Variants in VEGFA observed in about 807,000 individuals in gnomAD.
VEGFA encodes the protein vascular endothelial growth factor A.
Under a neutral mutation model 49.7 loss-of-function variants are expected in VEGFA, and 20 were observed. That is an observed-to-expected ratio of 0.40 (90% CI 0.28 to 0.58). The LOEUF (loss-of-function observed/expected upper bound fraction) is 0.58, where lower values mean the gene tolerates loss of function less well. Ranked by LOEUF, VEGFA falls within the 20% of genes least tolerant of loss-of-function variation. The pLI, the probability that VEGFA is intolerant of heterozygous loss-of-function variation, is 0.40. For missense variants in VEGFA, 505 were observed against 553.5 expected (o/e 0.91, Z 0.88); for synonymous variants, 219 against 223.4 (o/e 0.98, Z 0.18).
At position 43,781,855 on chromosome 6, in the gene VEGFA, G is replaced by A. The variant is rs1463421241; in HGVS notation, c.1035-101G>A. The A allele has an allele frequency of 4.0e-6, 6 of 1,492,102 alleles. No individual in the cohort carries two copies. In the African/African-American group the frequency reaches 4.1e-5, roughly 10 times the overall value. 92.4% of individuals were successfully genotyped at this position (1,492,102 alleles called of 1,614,324 possible). ...CCTGGGGGCTGACCGGCTGGGTGGG[G>A]GTGCAGCTGCGGACATGTTAGGGGG... On this transcript the variant is annotated intron_variant, in intron 6 of 7. Coordinates refer to ENST00000672860, the MANE Select transcript of VEGFA (RefSeq NM_003376.6).
At chr6:43,772,134 C>G (rs1482498121) in intron 1 of VEGFA, 1 of 912,530 alleles carries the variant, frequency 1.1e-6, no homozygotes, top group African/African-American at 1.8e-5. Flanking sequence ...GAGAACCATC[C>G]CTACCCCTTC....
intron 7 of VEGFA, 93 bp from the exon 8 acceptor site, chr6:43,784,448 C>G: frequency 1.6e-6 from 2 of 1,284,426 alleles, no homozygotes; most frequent in Admixed American, 1.7e-5. Flanking sequence ...CTGCAGTGAC[C>G]CAGGGGCCCC....
chr6:43,774,261 A>T, intron 1 of VEGFA, 80 bp from the exon 2 acceptor site: 1 of 1,448,864 alleles, frequency 6.9e-7, no homozygotes, highest in South Asian at 1.1e-5. Flanking sequence ...GGAAGTGAGG[A>T]GGGAGGAGGG....
In VEGFA at chr6:43,771,166, G is replaced by T. The variant is rs1203752241; in HGVS notation, c.460G>T (p.Ala154Ser). 1.3e-6 allele frequency: 2 copies of T among 1,567,854 alleles called. No homozygotes were observed. The highest frequency in any genetic ancestry group is 1.8e-5 in the Admixed American group (1 of 54,944). ...GGGAGGAAGAGTAGCTCGCCGAGGC[G>T]CCGAGGAGAGCGGGCCGCCCCACAG... The change falls in exon 1 of 8, where the codon GCC becomes TCC. Residue 154 changes from alanine to serine, a missense_variant. Transcript: ENST00000672860.
chr6:43,772,469 G>A (rs1763946087), intron 1 of VEGFA, among the ~76,000 whole-genome samples: 2 of 152,188 alleles, frequency 1.3e-5, no homozygotes, highest in South Asian at 2.1e-4. Flanking sequence ...GGTGGGTCAA[G>A]GGAGGATTTG....
chr6:43,778,447 C>T lies in VEGFA; in HGVS notation c.856-13C>T, dbSNP rs956377549. The T allele has an allele frequency of 1.9e-6, 3 of 1,613,810 alleles. No individual in the cohort carries two copies. Among genetic ancestry groups the T allele is most frequent in the Non-Finnish European group, 2.5e-6 (3 of 1,179,710 alleles). The stretch of plus-strand genomic sequence containing the variant: ...GGTCACTAACCTCTGTGATCTGCTT[C>T]CTTCCTTTCCAGATTATGCGGATCA... On this transcript the variant is annotated splice_polypyrimidine_tract_variant and intron_variant, in intron 3 of 7. Coordinates refer to ENST00000672860, the MANE Select transcript of VEGFA (RefSeq NM_003376.6).
chr6:43,786,224 C>CA lies in VEGFA; in HGVS notation c.*1666dup, dbSNP rs1426397353. The CA allele has an allele frequency of 5.6e-6, 1 of 176,992 alleles. No homozygotes were observed. Among genetic ancestry groups the CA allele is most frequent in the Non-Finnish European group, 1.2e-5 (1 of 82,744 alleles). 11.0% of individuals were successfully genotyped at this position (176,992 alleles called of 1,614,324 possible). On this transcript the variant is annotated 3_prime_UTR_variant, in exon 8 of 8. Coordinates refer to ENST00000672860, the MANE Select transcript of VEGFA (RefSeq NM_003376.6). The stretch of plus-strand genomic sequence containing the variant: ...CTATTCTGTTTTTTATATGTAAAAA[C>CA]AAAACAAGAAAAAATAGAGAATTCT...
chr6:43,772,284 A>G (rs553517955), intron 1 of VEGFA, among the ~76,000 whole-genome samples: 104 of 152,292 alleles, frequency 6.8e-4, no homozygotes, highest in African/African-American at 2.4e-3. Flanking sequence ...GAGAAGATCC[A>G]TCTAACCCCT....
intron 7 of VEGFA, 62 bp from the exon 8 acceptor site, chr6:43,784,479 G>GC (rs1769070992): frequency 6.4e-7 from 1 of 1,573,308 alleles, no homozygotes; most frequent in African/African-American, 1.4e-5. Context: ...GAGGCCGCCT[G>GC]CCTCATCGCC....
rs1320176024 is a variant in VEGFA, at chr6:43,786,400, T to C, written c.*1838T>C. The C allele has an allele frequency of 5.7e-6, 1 of 174,346 alleles. No homozygotes were observed. Among genetic ancestry groups the C allele is most frequent in the African/African-American group, 2.4e-5 (1 of 42,152 alleles). 10.8% of individuals were successfully genotyped at this position (174,346 alleles called of 1,614,324 possible). A position where few individuals can be genotyped will look rare whatever the true frequency, so the allele number is the denominator to read the frequency against. On this transcript the variant is annotated 3_prime_UTR_variant, in exon 8 of 8. Coordinates refer to ENST00000672860, the MANE Select transcript of VEGFA (RefSeq NM_003376.6). The stretch of plus-strand genomic sequence containing the variant: ...TTTTCGAGATATTCCGTAGTACATA[T>C]TTATTTTTAAACAACGACAAAGAAA...
Position 43,770,461 on chromosome 6 carries a change from C to T in VEGFA, c.-246C>T. Reference sequence around the variant, plus strand: ...TTGCCATTCCCCACTTGAATCGGGCCGACGGCTTGGGGAGATTGCTCTACT... The same window carrying T: ...TTGCCATTCCCCACTTGAATCGGGCTGACGGCTTGGGGAGATTGCTCTACT... On this transcript the variant is annotated 5_prime_UTR_variant, in exon 1 of 8. Transcript: ENST00000672860. The T allele has an allele frequency of 1.4e-6, 1 of 705,622 alleles. No homozygotes were observed. Among genetic ancestry groups the T allele is most frequent in the Non-Finnish European group, 2.0e-6 (1 of 502,230 alleles). 43.7% of individuals were successfully genotyped at this position (705,622 alleles called of 1,614,324 possible). A position where few individuals can be genotyped will look rare whatever the true frequency, so the allele number is the denominator to read the frequency against.
At chr6:43,780,834 C>T (rs1433148287) in intron 6 of VEGFA, 31 bp downstream of exon 6, 18 of 1,613,838 alleles carry the variant, frequency 1.1e-5, no homozygotes, top group African/African-American at 1.3e-5. Context: ...GTCTAATGCC[C>T]TGGAGCCTCC....
rs527732595 is a variant in VEGFA at position 43,777,287 on chromosome 6, T to C, written c.659-182T>C. 2 of 692,962 alleles carry C rather than the reference T, an allele frequency of 2.9e-6. No homozygotes were observed. The highest frequency in any genetic ancestry group is 3.1e-5 in the South Asian group (2 of 64,308). 42.9% of individuals were successfully genotyped at this position (692,962 alleles called of 1,614,324 possible). On this transcript the variant is annotated intron_variant, in intron 2 of 7. Transcript: ENST00000672860. The surrounding 1 kb of genome is among the most constrained non-coding windows in gnomAD (Gnocchi z 4.3). ...TGGAATGAAAACAGGCCTTCACCAGTGTTGATGGTGGAAAGCTTAGGGAAG... is the reference window on the plus strand; with the variant it reads ...TGGAATGAAAACAGGCCTTCACCAGCGTTGATGGTGGAAAGCTTAGGGAAG...
chr6:43,784,691 T>C lies in VEGFA; in HGVS notation c.*129T>C, dbSNP rs931623857. The C allele has an allele frequency of 3.9e-6, 6 of 1,539,728 alleles. No homozygotes were observed. The African/African-American group carries it at 6.8e-5, about 18-fold the overall frequency. ...CACACCATCACCATCGACAGAACAG[T>C]CCTTAATCCAGAAACCTGAAATGAA... On this transcript the variant is annotated 3_prime_UTR_variant, in exon 8 of 8. Transcript: ENST00000672860.
At chr6:43,774,151 C>A in intron 1 of VEGFA, 190 bp from the exon 2 acceptor site, 1 of 653,542 alleles carries the variant, frequency 1.5e-6, no homozygotes, top group Non-Finnish European at 2.8e-6. Context: ...ATAACCATAG[C>A]AGTCCAGGAG....
rs25648 is a variant in VEGFA at position 43,771,240 on chromosome 6, C to G, written c.534C>G (p.Ser178=). Residue 178 remains serine, a synonymous_variant, in exon 1 of 8, where the codon TCC becomes TCG. Coordinates refer to ENST00000672860, the MANE Select transcript of VEGFA (RefSeq NM_003376.6). ...GCCGCGCCGGCCCCGGTCGGGCCTC[C>G]GAAACCATGAACTTTCTGCTGTCTT... The G allele has an allele frequency of 2.5e-6, 4 of 1,606,394 alleles. No homozygotes were observed. The South Asian group carries it at 3.3e-5, about 13-fold the overall frequency.
intron 2 of VEGFA, chr6:43,774,977 C>T (rs776624190): frequency 4.2e-5 from 7 of 168,292 alleles, no homozygotes; most frequent in Non-Finnish European, 7.9e-5. Flanking sequence ...CCTGCCCAAC[C>T]CCGAGTCCGC....
Position 43,786,051 on chromosome 6 carries a change from G to C in VEGFA, c.*1489G>C. ...GCTAACACTCAGCTCTGCCCTCCCC[G>C]ATCCCCTGGCTCCCCAGCACACATT... On this transcript the variant is annotated 3_prime_UTR_variant, in exon 8 of 8. Transcript: ENST00000672860. 1 of 181,638 alleles carries C rather than the reference G, an allele frequency of 5.5e-6. No individual in the cohort carries two copies. Among genetic ancestry groups the C allele is most frequent in the Non-Finnish European group, 1.2e-5 (1 of 85,370 alleles). The allele number at this position is 181,638 out of a possible 1,614,324, so 11.3% of individuals were successfully genotyped here.
chr6:43,781,002 C>T, intron 6 of VEGFA, 199 bp downstream of exon 6: 3 of 1,386,108 alleles, frequency 2.2e-6, no homozygotes, highest in South Asian at 1.2e-5. Context: ...CATTGCTGGT[C>T]CAGGGTTGGG....
Sources: gnomAD v4.1 joint callset for allele counts (sites outside exome capture counted in the v4.1 genomes callset) on GRCh38, gnomAD v4.1.1 for gene constraint, Gnocchi (gnomAD v3.1) non-coding constraint, MANE v1.5 for transcripts, NCBI Gene and HGNC (gene_info 2026-07-23, HGNC 2026-07-21) for gene names.